Variants in TTN observed in about 807,000 individuals in gnomAD.
TTN encodes connectin.
Under a neutral mutation model 3,223.0 loss-of-function variants are expected in TTN, and 1,525 were observed. The observed-to-expected ratio is 0.47, with a 90% CI of 0.45 to 0.49. The LOEUF (loss-of-function observed/expected upper bound fraction) is 0.49, where lower values mean the gene tolerates loss of function less well. TTN is among the 20% of genes least tolerant of loss of function. The pLI is 0.00. For synonymous variants in TTN, 14,094 were observed against 15,161.0 expected (o/e 0.93, Z 5.17); for missense variants, 40,786 against 43,424.0 (o/e 0.94, Z 5.40).
At chr2:178,759,839 C>T (rs2088564814) in intron 43 of TTN, among the ~76,000 whole-genome samples, 1 of 152,112 alleles carries the variant, frequency 6.6e-6, no homozygotes, top group African/African-American at 2.4e-5. Context: ...TTCAGAGTGG[C>T]AGTTATAAGA....
intron 111 of TTN, among the ~76,000 whole-genome samples, chr2:178,700,282 A>G (rs1460570999): frequency 6.6e-6 from 1 of 152,212 alleles, no homozygotes; most frequent in Non-Finnish European, 1.5e-5. Context: ...CAAAATTGGA[A>G]GTTTCTAATT....
At position 178,671,963 on chromosome 2, in the gene TTN, C is replaced by G; in HGVS notation, c.35227+8G>C. 1 of 1,589,280 alleles carries G rather than the reference C, an allele frequency of 6.3e-7. No homozygotes were observed. The highest frequency in any genetic ancestry group is 8.5e-7 in the Non-Finnish European group (1 of 1,173,728). ...AAGAATTTGTAGTATTTGAAGAATT[C>G]CCTATACCTTTAGGTGGAGCTTTTG... On this transcript the variant is annotated splice_region_variant and intron_variant, in intron 155 of 362. Coordinates refer to ENST00000589042, the MANE Select transcript of TTN (RefSeq NM_001267550.2).
In TTN at chr2:178,554,568, AATG is replaced by A. The variant is rs749002160; in HGVS notation, c.88776_88778del (p.Ile29593del). On this transcript the variant is annotated inframe_deletion, in exon 332 of 363. Transcript: ENST00000589042. Reference sequence around the variant, plus strand: ...TTCCTTTGATAATTTTGGTGGTTGTAATGATGCACTCTTCCAAATGTTCAGACA... The same window carrying A: ...TTCCTTTGATAATTTTGGTGGTTGTAATGCACTCTTCCAAATGTTCAGACA... 1 of 1,613,834 alleles carries A rather than the reference AATG, an allele frequency of 6.2e-7. No homozygotes were observed. The highest frequency in any genetic ancestry group is 1.3e-5 in the African/African-American group (1 of 75,000).
rs397517775 is a variant in TTN, at chr2:178,539,822, C to T, written c.98243G>A (p.Arg32748His). Residue 32748 changes from arginine (R) to histidine (H), a missense_variant, in exon 352 of 363, where the codon CGT becomes CAT. Transcript: ENST00000589042. The stretch of plus-strand genomic sequence containing the variant: ...TGTTTCAGATGTTGCAATCATGGCA[C>T]GCTTACTAATATCCTGGCCTTCCTT... The part of the protein sequence containing the change: ...WTKEGQDISK[R>H]AMIATSETHT... The T allele has an allele frequency of 6.2e-5, 100 of 1,613,818 alleles. No homozygotes were observed. Among genetic ancestry groups the T allele is most frequent in the Non-Finnish European group, 7.5e-5 (88 of 1,179,780 alleles).
In TTN at chr2:178,595,827, A is replaced by G. The variant is rs2051416403; in HGVS notation, c.57545-18T>C. The G allele has an allele frequency of 6.4e-7, 1 of 1,569,454 alleles. No homozygotes were observed. Among genetic ancestry groups the G allele is most frequent in the Non-Finnish European group, 8.6e-7 (1 of 1,157,538 alleles). ...TGGAACATCTGGAAATAAGAAGAAA[A>G]TAATTCAAGCTGTTTGCCTTCAATG... On this transcript the variant is annotated intron_variant, in intron 294 of 362. Transcript: ENST00000589042.
chr2:178,746,857 C>T (rs1457762556), intron 47 of TTN: 1 of 1,613,446 alleles, frequency 6.2e-7, no homozygotes, highest in African/African-American at 1.3e-5. Flanking sequence ...AAGATGGAGG[C>T]ATTTCATTGT....
In TTN at chr2:178,548,384, G is replaced by A. The variant is rs1032232850; in HGVS notation, c.93242C>T (p.Ala31081Val). 1.3e-5 allele frequency: 21 copies of A among 1,613,696 alleles called. No individual in the cohort carries two copies. The Admixed American group carries it at 3.2e-4, about 24-fold the overall frequency. The change falls in exon 339 of 363, where the codon GCC (alanine) becomes GTC (valine). Residue 31081 changes from alanine (A) to valine (V), a missense_variant. By Grantham distance (64) the Ala-to-Val change is moderately conservative (BLOSUM62 0). Coordinates refer to ENST00000589042, the MANE Select transcript of TTN (RefSeq NM_001267550.2). The surrounding 1 kb of genome is among the most constrained non-coding windows in gnomAD (Gnocchi z 4.3). The part of the protein sequence containing the change: ...TRQIFKVNDL[A>V]EGVPYYFRVS... The stretch of plus-strand genomic sequence containing the variant: ...ACGGAAATAGTACGGAACACCTTCG[G>A]CCAGGTCATTGACCTTGAAGATCTG...
intron 43 of TTN, among the ~76,000 whole-genome samples, chr2:178,762,346 T>A (rs1010633963): frequency 6.6e-6 from 1 of 152,208 alleles, no homozygotes; most frequent in Admixed American, 6.5e-5. Context: ...AAGTTAATGA[T>A]CTTCTCAGTT....
At chr2:178,744,974 G>A (rs1047162902) in intron 47 of TTN, 6 of 985,110 alleles carry the variant, frequency 6.1e-6, no homozygotes, top group African/African-American at 5.2e-5. Flanking sequence ...TATTAATAAC[G>A]AAAACATTTT....
Position 178,572,869 on chromosome 2 carries a change from G to C in TTN, c.73263C>G (p.Asp24421Glu). 6.2e-7 allele frequency: 1 copy of C among 1,613,416 alleles called. No individual in the cohort carries two copies. The highest frequency in any genetic ancestry group is 8.5e-7 in the Non-Finnish European group (1 of 1,179,604). Reference protein sequence around the residue: ...ALVPGTPKAEDRMLPPEIELD... With the variant: ...ALVPGTPKAEERMLPPEIELD... ...GTTCAATTTCTGGAGGCAGCATTCTGTCTTCAGCCTTTGGAGTTCCAGGAA... is the reference window on the plus strand; with the variant it reads ...GTTCAATTTCTGGAGGCAGCATTCTCTCTTCAGCCTTTGGAGTTCCAGGAA... The change falls in exon 326 of 363, where the codon GAC (aspartate) becomes GAG (glutamate). Residue 24421 changes from aspartate (D) to glutamate (E), a missense_variant. Transcript: ENST00000589042.
rs779688235 is a variant in TTN, at chr2:178,582,589, T to G, written c.65867A>C (p.Lys21956Thr). The G allele has an allele frequency of 1.6e-5, 26 of 1,603,752 alleles. No homozygotes were observed. The highest frequency in any genetic ancestry group is 2.1e-5 in the Non-Finnish European group (25 of 1,174,102). The change falls in exon 314 of 363, where the codon AAA becomes ACA. Residue 21956 changes from lysine (K) to threonine (T), a missense_variant. Coordinates refer to ENST00000589042, the MANE Select transcript of TTN (RefSeq NM_001267550.2). The stretch of plus-strand genomic sequence containing the variant: ...TTTAACAGATGCTGGAGGACCCGGT[T>G]TATCTGAAGGAATAAGGAAGAAGAG... ...SATIKLKVLD[K>T]PGPPASVKIN...
At chr2:178,794,314 A>C (rs2093658012) in intron 8 of TTN, 85 bp downstream of exon 8, 3 of 1,585,042 alleles carry the variant, frequency 1.9e-6, no homozygotes, top group Non-Finnish European at 2.6e-6. Context: ...GCACAGCTGC[A>C]TGCCAAGCTC....
At position 178,599,076 on chromosome 2, in the gene TTN, C is replaced by G; in HGVS notation, c.56648-14G>C. 2.6e-6 allele frequency: 4 copies of G among 1,523,020 alleles called. No homozygotes were observed. The highest frequency in any genetic ancestry group is 3.5e-6 in the Non-Finnish European group (4 of 1,140,306). 94.3% of individuals were successfully genotyped at this position (1,523,020 alleles called of 1,614,324 possible). A position where few individuals can be genotyped will look rare whatever the true frequency, so the allele number is the denominator to read the frequency against. ...CTCCAGGGACAGCTGTGAAAAAGATCATATTGATTATAAGAAATTTAAAAA... is the reference window on the plus strand; with the variant it reads ...CTCCAGGGACAGCTGTGAAAAAGATGATATTGATTATAAGAAATTTAAAAA... On this transcript the variant is annotated splice_polypyrimidine_tract_variant and intron_variant, in intron 290 of 362. Transcript: ENST00000589042.
rs1487299291 is a variant in TTN, at chr2:178,717,805, TGC to T, written c.25067_25068del (p.Arg8356GlnfsTer15). On this transcript the variant is annotated frameshift_variant, in exon 87 of 363. Coordinates refer to ENST00000589042, the MANE Select transcript of TTN (RefSeq NM_001267550.2). LOFTEE classifies it high-confidence loss of function. Reference sequence around the variant, plus strand: ...TTTCTTGCAAAGAAAGGTGGAAGTTTGCGCGCTGTAAAGAAGTTACAGATAAT... The same window carrying T: ...TTTCTTGCAAAGAAAGGTGGAAGTTTGCGCTGTAAAGAAGTTACAGATAAT... Reference protein sequence around the residue: ...ASSAVLVIKARKLPPFFARKL... With the variant: ...ASSAVLVIKAXKLPPFFARKL... 1 of 1,605,292 alleles carries T rather than the reference TGC, an allele frequency of 6.2e-7. No individual in the cohort carries two copies. Among genetic ancestry groups the T allele is most frequent in the South Asian group, 1.1e-5 (1 of 89,832 alleles).
In TTN at chr2:178,740,994, A is replaced by C. The variant is rs1317809538; in HGVS notation, c.12239T>G (p.Leu4080Trp). Residue 4080 changes from leucine to tryptophan, a missense_variant, in exon 48 of 363, where the codon TTG becomes TGG. Leu to Trp is a moderately conservative substitution (Grantham distance 61, BLOSUM62 -2). Coordinates refer to ENST00000589042, the MANE Select transcript of TTN (RefSeq NM_001267550.2). ...TTCTTCTGTAATTAAAGCAGCTTTC[A>C]AAATGGTGTCTTTTACAAACGTTGC... ...EIATFVKDTI[L>W]KAALITEENQ... is the part of the protein sequence containing the mutation. The C allele has an allele frequency of 4.3e-6, 7 of 1,613,850 alleles. No individual in the cohort carries two copies. The highest frequency in any genetic ancestry group is 5.9e-6 in the Non-Finnish European group (7 of 1,179,856).
At chr2:178,733,543 C>A in intron 53 of TTN, 26 bp from the exon 54 acceptor site, 2 of 1,600,390 alleles carry the variant, frequency 1.2e-6, no homozygotes, top group Middle Eastern at 1.7e-4. Flanking sequence ...ATAGTTAGCA[C>A]CCTAAATGCT....
Position 178,601,403 on chromosome 2 carries a change from C to T in TTN, c.55594G>A (p.Asp18532Asn), listed in dbSNP as rs773425209. 4 of 1,612,628 alleles carry T rather than the reference C, an allele frequency of 2.5e-6. No individual in the cohort carries two copies. In the African/African-American group the frequency reaches 5.3e-5, roughly 22 times the overall value. Residue 18532 changes from aspartate (D) to asparagine (N), a missense_variant, in exon 287 of 363, where the codon GAC becomes AAC. Physicochemically the swap from Asp to Asn is conservative, Grantham distance 23. Coordinates refer to ENST00000589042, the MANE Select transcript of TTN (RefSeq NM_001267550.2). The part of the protein sequence containing the change: ...DGKAWTKVNP[D>N]CGSTTFVVPD... ...ACTACAAATGTGGTGCTTCCACAGTCTGGATTGACTTTGGTCCAGGCTTTT... is the reference window on the plus strand; with the variant it reads ...ACTACAAATGTGGTGCTTCCACAGTTTGGATTGACTTTGGTCCAGGCTTTT...
In TTN at chr2:178,771,474, T is replaced by C; in HGVS notation, c.7856-3A>G. On this transcript the variant is annotated splice_region_variant and splice_polypyrimidine_tract_variant and intron_variant, in intron 33 of 362. Transcript: ENST00000589042. ...GAGTGGCTTGGAGATGGCCCCACCT[T>C]TGGAACAAGAGATGTACAGTATGAG... The C allele has an allele frequency of 6.2e-7, 1 of 1,613,890 alleles. No homozygotes were observed. The highest frequency in any genetic ancestry group is 8.5e-7 in the Non-Finnish European group (1 of 1,179,806).
At chr2:178,786,911 G>A (rs78088983) in intron 13 of TTN, among the ~76,000 whole-genome samples, 193 of 152,170 alleles carry the variant, frequency 1.3e-3, no homozygotes, top group African/African-American at 4.0e-3. Flanking sequence ...TTATTTTCTC[G>A]TTTCTGAGTC....
Sources: gnomAD v4.1 joint callset for allele counts (sites outside exome capture counted in the v4.1 genomes callset) on GRCh38, gnomAD v4.1.1 for gene constraint, Gnocchi (gnomAD v3.1) non-coding constraint, MANE v1.5 for transcripts, NCBI Gene and HGNC (gene_info 2026-07-23, HGNC 2026-07-21) for gene names.